BLTP2: variants seen among roughly 807,000 people sequenced by gnomAD.
BLTP2 encodes bridge-like lipid transfer protein family member 2, also known as U937-associated antigen.
At chr17:28,619,782 A>G in the BLTP2 span, 1 of 1,614,140 alleles carries the variant, frequency 6.2e-7, no homozygotes, top group Non-Finnish European at 8.5e-7. Context: ...AAGACTAGGG[A>G]ACCAGGATAG....
chr17:28,638,344 C>A, the BLTP2 span: 8 of 1,614,028 alleles, frequency 5.0e-6, no homozygotes, highest in Admixed American at 6.7e-5. Context: ...TCACTGCCCA[C>A]ACGCCAGCAG....
the BLTP2 span, among the ~76,000 whole-genome samples, chr17:28,629,793 T>G: frequency 6.6e-6 from 1 of 151,956 alleles, no homozygotes; most frequent in Non-Finnish European, 1.5e-5. Flanking sequence ...TTTTGTATTT[T>G]TAGTAGAGAC....
the BLTP2 span, among the ~76,000 whole-genome samples, chr17:28,640,182 C>A: frequency 1.3e-5 from 2 of 152,132 alleles, no homozygotes; most frequent in African/African-American, 4.8e-5. Context: ...ATCACGAGGT[C>A]AGGAGATCGA....
At chr17:28,638,604 G>T in the BLTP2 span, 1 of 1,613,360 alleles carries the variant, frequency 6.2e-7, no homozygotes, top group Non-Finnish European at 8.5e-7. Flanking sequence ...GGAGATGGAG[G>T]TGCTAAAGAT....
At chr17:28,644,113 C>A in the BLTP2 span, 18 of 1,614,098 alleles carry the variant, frequency 1.1e-5, no homozygotes, top group Non-Finnish European at 3.4e-6. Flanking sequence ...CCAAAAAAAG[C>A]GGAAGGAGCC....
At chr17:28,628,167 G>GA in the BLTP2 span, 2 of 1,039,930 alleles carry the variant, frequency 1.9e-6, no homozygotes, top group Non-Finnish European at 2.9e-6. Context: ...TCTTTACCTA[G>GA]ATAGAAGCAC....
At chr17:28,616,781 A>G in the BLTP2 span, 19 of 1,613,912 alleles carry the variant, frequency 1.2e-5, 1 homozygote, top group African/African-American at 2.1e-4. The surrounding 1 kb of genome is among the most constrained non-coding windows in gnomAD (Gnocchi z 4.8). Flanking sequence ...TCAAGAAGCA[A>G]TTAAGCTCAG....
the BLTP2 span, chr17:28,639,171 T>C: frequency 5.0e-6 from 4 of 792,366 alleles, no homozygotes; most frequent in South Asian, 1.6e-5. Flanking sequence ...ATGGGAAAGA[T>C]ATATAAAACA....
At chr17:28,616,027 G>T in the BLTP2 span, 1 of 1,295,504 alleles carries the variant, frequency 7.7e-7, no homozygotes, top group Non-Finnish European at 1.1e-6. The surrounding 1 kb of genome is among the most constrained non-coding windows in gnomAD (Gnocchi z 4.8). Flanking sequence ...CTGTCTCCCT[G>T]TATAGAATCT....
chr17:28,639,822 G>A, the BLTP2 span: 5 of 1,554,558 alleles, frequency 3.2e-6, no homozygotes, highest in African/African-American at 1.4e-5. Flanking sequence ...ATTAGATTAA[G>A]GAGACCATAT....
chr17:28,620,962 C>A, the BLTP2 span: 1 of 1,606,162 alleles, frequency 6.2e-7, no homozygotes, highest in Non-Finnish European at 8.5e-7. Flanking sequence ...TAGTCCCTTC[C>A]TAAAAGCCTT....
the BLTP2 span, chr17:28,633,815 C>A: frequency 6.3e-7 from 1 of 1,597,288 alleles, no homozygotes; most frequent in Non-Finnish European, 8.6e-7. Flanking sequence ...CTCCTTCACT[C>A]CAGAAGGGTC....
the BLTP2 span, chr17:28,620,420 C>T: frequency 6.8e-7 from 1 of 1,463,086 alleles, no homozygotes; most frequent in South Asian, 1.2e-5. Flanking sequence ...CAGTGTGAAG[C>T]ATGGCTTTTG....
chr17:28,632,150 T>G, the BLTP2 span: 1 of 1,614,214 alleles, frequency 6.2e-7, no homozygotes, highest in Admixed American at 1.7e-5. Context: ...CCCCTGCAGA[T>G]AGGCCTTGTG....
chr17:28,632,415 C>T, the BLTP2 span, among the ~76,000 whole-genome samples: 37 of 152,276 alleles, frequency 2.4e-4, no homozygotes, highest in South Asian at 2.1e-4. Context: ...CTCTGCTTTC[C>T]CCTACTGCTA....
chr17:28,640,645 G>C, the BLTP2 span: 1 of 1,613,834 alleles, frequency 6.2e-7, no homozygotes, highest in African/African-American at 1.3e-5. Flanking sequence ...AGAAGGAATA[G>C]GCCAGGCAGA....
chr17:28,639,108 C>T, the BLTP2 span: 1 of 599,206 alleles, frequency 1.7e-6, no homozygotes, highest in Non-Finnish European at 3.0e-6. Flanking sequence ...CACTGAGCAC[C>T]GAGGACATAA....
At chr17:28,639,900 C>A in the BLTP2 span, 1 of 1,613,974 alleles carries the variant, frequency 6.2e-7, no homozygotes, top group Non-Finnish European at 8.5e-7. Flanking sequence ...GACCCATGAA[C>A]CTTCCAGCAG....
the BLTP2 span, chr17:28,632,964 C>T: frequency 6.5e-7 from 1 of 1,544,074 alleles, no homozygotes; most frequent in African/African-American, 1.4e-5. Context: ...GAGTCAGATC[C>T]ATCTTGATGG....
Sources: gnomAD v4.1 joint callset for allele counts (sites outside exome capture counted in the v4.1 genomes callset) on GRCh38, gnomAD v4.1.1 for gene constraint, Gnocchi (gnomAD v3.1) non-coding constraint, MANE v1.5 for transcripts, NCBI Gene and HGNC (gene_info 2026-07-23, HGNC 2026-07-21) for gene names.